The following HOXC5 variants were observed in gnomAD, a reference collection of about 807,000 sequenced individuals.
HOXC5 encodes the protein homeobox C5, also known as homeobox protein Hox-C5.
HOXC5 carries 19 observed loss-of-function variants against 20.1 expected under a neutral mutation model. The ratio of observed to expected loss-of-function variants is 0.94; its 90% CI spans 0.66 to 1.38. The LOEUF (loss-of-function observed/expected upper bound fraction) is 1.38. Among genes scored for constraint, HOXC5 ranks in the 40% most tolerant of loss-of-function variants. The pLI is 0.00. For missense variants in HOXC5, 330 were observed against 300.1 expected, an observed-to-expected ratio of 1.10 and a Z score of -0.74; for synonymous variants, 124 against 117.0, an observed-to-expected ratio of 1.06 and a Z score of -0.39.
the HOXC5 span, among the ~76,000 whole-genome samples, chr12:54,026,964 T>TGG: frequency 1.0e-3 from 128 of 127,326 alleles, no homozygotes; most frequent in African/African-American, 3.1e-3. Flanking sequence ...CCAAAAATGG[T>TGG]GGGGGGGGGG....
Position 54,034,816 on chromosome 12 carries a change from C to T in HOXC5, c.*324C>T, listed in dbSNP as rs545600395. 3,199 of 330,244 alleles carry T rather than the reference C, an allele frequency of 9.7e-3. 14 individuals are homozygous for T. Among genetic ancestry groups the T allele is most frequent in the Non-Finnish European group, 0.013 (2,299 of 172,948 alleles). The allele number at this position is 330,244 out of a possible 1,614,324, so 20.5% of individuals were successfully genotyped here. On this transcript the variant is annotated 3_prime_UTR_variant, in exon 2 of 2. Transcript: ENST00000312492. ...CGAACCTTGGCCTGGGCCGTATCTC[C>T]GGCTCCCAGCCTCAGCGCGGCCCTC...
chr12:54,029,766 G>A, upstream of HOXC5: 1 of 1,614,158 alleles, frequency 6.2e-7, no homozygotes, highest in Non-Finnish European at 8.5e-7. Flanking sequence ...CGGCGCCGGC[G>A]CATCGAGATC....
chr12:54,023,520 C>T, the HOXC5 span, among the ~76,000 whole-genome samples: 1 of 152,146 alleles, frequency 6.6e-6, no homozygotes, highest in Admixed American at 6.5e-5. Context: ...GCCTCTCAAC[C>T]TCTTAGCTCA....
In HOXC5 at chr12:54,033,456, GC is replaced by G; in HGVS notation, c.335del (p.Ala112ValfsTer20). On this transcript the variant is annotated frameshift_variant, in exon 1 of 2. Transcript: ENST00000312492. LOFTEE classifies it high-confidence loss of function. The part of the protein sequence containing the change: ...KAARPALEER[A>X]KSSGEIKEEQ... Reference sequence around the variant, plus strand: ...GGCTCGCCCGGCGCTGGAGGAGCGAGCTAAGAGCAGTGGGGAGATCAAAGAG... The same window carrying G: ...GGCTCGCCCGGCGCTGGAGGAGCGAGTAAGAGCAGTGGGGAGATCAAAGAG... 5.0e-6 allele frequency: 8 copies of G among 1,599,352 alleles called. No individual in the cohort carries two copies. Among genetic ancestry groups the G allele is most frequent in the Non-Finnish European group, 6.8e-6 (8 of 1,174,464 alleles).
At chr12:54,025,530 G>T in the HOXC5 span, among the ~76,000 whole-genome samples, 24 of 42,094 alleles carry the variant, frequency 5.7e-4, no homozygotes, top group Admixed American at 2.4e-3. Context: ...AGGTAATTGG[G>T]GGGGGGGGAG....
chr12:54,026,853 A>G, the HOXC5 span, among the ~76,000 whole-genome samples: 12 of 151,934 alleles, frequency 7.9e-5, no homozygotes, highest in Non-Finnish European at 1.6e-4. Context: ...CTTTATTGCT[A>G]CCCATTGATT....
chr12:54,022,382 C>G, the HOXC5 span: 1 of 152,172 alleles, frequency 6.6e-6, no homozygotes, highest in Admixed American at 6.5e-5. Context: ...CTATATGTCT[C>G]CAATCCTGCC....
the HOXC5 span, among the ~76,000 whole-genome samples, chr12:54,026,435 A>C: frequency 6.6e-6 from 1 of 152,160 alleles, no homozygotes; most frequent in Non-Finnish European, 1.5e-5. Context: ...CTGCCAAGTC[A>C]CCCCAAAAAT....
At chr12:54,024,122 C>T in the HOXC5 span, among the ~76,000 whole-genome samples, 4 of 152,202 alleles carry the variant, frequency 2.6e-5, no homozygotes, top group Non-Finnish European at 5.9e-5. Flanking sequence ...ATGAGGGGAG[C>T]TGAGCAATTA....
chr12:54,023,925 C>T, the HOXC5 span, among the ~76,000 whole-genome samples: 2 of 152,184 alleles, frequency 1.3e-5, no homozygotes, highest in South Asian at 4.1e-4. Flanking sequence ...CCAGGAGGCT[C>T]TTTGCGATCT....
At chr12:54,019,107 C>G in the HOXC5 span, among the ~76,000 whole-genome samples, 1 of 137,528 alleles carries the variant, frequency 7.3e-6, no homozygotes, top group Non-Finnish European at 1.5e-5. Context: ...ATTCCCCTTT[C>G]GCAGCCATCA....
Position 54,033,275 on chromosome 12 carries a change from GC to G in HOXC5, c.155del (p.Pro52LeufsTer10), listed in dbSNP as rs1301842156. The G allele has an allele frequency of 1.9e-6, 3 of 1,614,038 alleles. No individual in the cohort carries two copies. Among genetic ancestry groups the G allele is most frequent in the Non-Finnish European group, 2.5e-6 (3 of 1,180,040 alleles). On this transcript the variant is annotated frameshift_variant, in exon 1 of 2. Transcript: ENST00000312492. LOFTEE classifies it high-confidence loss of function. ...TGGACTTAAGCATCACTTTCCCACC[GC>G]CTGCGCCTTCCAACTCTCTCCACGG... The part of the protein sequence containing the change: ...GLDLSITFPP[P>X]APSNSLHGVD...
chr12:54,030,203 T>C (rs1940930354), upstream of HOXC5: 2 of 432,806 alleles, frequency 4.6e-6, no homozygotes, highest in South Asian at 8.9e-5. Context: ...TCGGCTTGTC[T>C]ACAGGCCCTT....
chr12:54,024,364 G>A, the HOXC5 span, among the ~76,000 whole-genome samples: 3 of 152,132 alleles, frequency 2.0e-5, no homozygotes, highest in African/African-American at 4.8e-5. Flanking sequence ...GCCTCAGGAG[G>A]CACCGAGCTG....
At chr12:54,032,534 G>A (rs1341053750), upstream of HOXC5, among the ~76,000 whole-genome samples, 1 of 152,206 alleles carries the variant, frequency 6.6e-6, no homozygotes, top group Non-Finnish European at 1.5e-5. Context: ...TTTGAAGATT[G>A]GAAGACCCTG....
chr12:54,025,537 G>T, the HOXC5 span, among the ~76,000 whole-genome samples: 2 of 53,428 alleles, frequency 3.7e-5, no homozygotes, highest in Admixed American at 1.8e-4. Flanking sequence ...TGGGGGGGGG[G>T]GAGGTGTTGA....
At chr12:54,019,137 C>T in the HOXC5 span, among the ~76,000 whole-genome samples, 13 of 142,454 alleles carry the variant, frequency 9.1e-5, no homozygotes, top group African/African-American at 3.4e-4. Flanking sequence ...CTGAGGTATT[C>T]TCCCGCGGGA....
the HOXC5 span, chr12:54,017,395 G>A: frequency 1.3e-5 from 2 of 152,186 alleles, no homozygotes; most frequent in African/African-American, 4.8e-5. Context: ...GGGAGAGAGG[G>A]AGAGTGACAG....
upstream of HOXC5, chr12:54,030,206 A>C (rs1449536185): frequency 1.2e-5 from 5 of 428,312 alleles, no homozygotes; most frequent in Non-Finnish European, 1.7e-5. Flanking sequence ...GCTTGTCTAC[A>C]GGCCCTTTTC....
Sources: gnomAD v4.1 joint callset for allele counts (sites outside exome capture counted in the v4.1 genomes callset) on GRCh38, gnomAD v4.1.1 for gene constraint, MANE v1.5 for transcripts, NCBI Gene and HGNC (gene_info 2026-07-23, HGNC 2026-07-21) for gene names.